Variants in PIK3C3 observed in about 807,000 individuals in gnomAD.
The protein encoded by PIK3C3 is phosphatidylinositol 3-kinase catalytic subunit type 3, also known as PI3-kinase type 3.
A neutral mutation model predicts 126.1 loss-of-function variants in PIK3C3; 95 were observed. The observed-to-expected ratio is 0.75, with a 90% CI of 0.64 to 0.89. The LOEUF (loss-of-function observed/expected upper bound fraction) is 0.89. PIK3C3 is among the 40% of genes least tolerant of loss of function. PIK3C3 has a pLI of 0.00. For synonymous variants in PIK3C3, 374 were observed against 360.0 expected, an observed-to-expected ratio of 1.04 and a Z score of -0.44; for missense variants, 829 against 1,063.2, an observed-to-expected ratio of 0.78 and a Z score of 3.06.
At chr18:42,042,350 T>C (rs62082292) in intron 19 of PIK3C3, among the ~76,000 whole-genome samples, 12,400 of 152,276 alleles carry the variant, frequency 0.081, 615 homozygotes, top group Non-Finnish European at 0.11. Flanking sequence ...TCCATGTTGA[T>C]TCTACTGTGT....
chr18:41,965,498 G>T (rs527985017), intron 3 of PIK3C3, among the ~76,000 whole-genome samples: 1 of 152,094 alleles, frequency 6.6e-6, no homozygotes, highest in Admixed American at 6.5e-5. Flanking sequence ...TAATCAACCT[G>T]TGTTTAAGAA....
intron 6 of PIK3C3, among the ~76,000 whole-genome samples, chr18:41,990,992 A>C (rs1308134017): frequency 1.3e-5 from 2 of 152,178 alleles, no homozygotes; most frequent in Non-Finnish European, 2.9e-5. Context: ...AAGTATACTT[A>C]TGAAATACTT....
intron 24 of PIK3C3, among the ~76,000 whole-genome samples, chr18:42,068,686 C>G (rs1211879902): frequency 6.6e-6 from 1 of 152,028 alleles, no homozygotes; most frequent in Non-Finnish European, 1.5e-5. Flanking sequence ...CGCGGTGGCT[C>G]ACGCCTGTAA....
intron 10 of PIK3C3, among the ~76,000 whole-genome samples, chr18:42,011,516 G>A (rs1056838754): frequency 2.6e-5 from 4 of 152,132 alleles, no homozygotes; most frequent in African/African-American, 9.7e-5. Context: ...TTAGGGCCTT[G>A]CTCTGGATTG....
Position 42,004,236 on chromosome 18 carries a change from C to T in PIK3C3, c.985-120C>T. On this transcript the variant is annotated intron_variant, in intron 9 of 24. Transcript: ENST00000262039. The stretch of plus-strand genomic sequence containing the variant: ...TATATAACTTCATTTAGTGCTTACA[C>T]AAGGAGTCTATCACTGACTCCGTGG... 5.9e-6 allele frequency: 4 copies of T among 682,202 alleles called. No individual in the cohort carries two copies. The Admixed American group carries it at 1.2e-4, about 20-fold the overall frequency. The allele number at this position is 682,202 out of a possible 1,614,324, so 42.3% of individuals were successfully genotyped here. A position where few individuals can be genotyped will look rare whatever the true frequency, so the allele number is the denominator to read the frequency against.
intron 21 of PIK3C3, among the ~76,000 whole-genome samples, chr18:42,057,026 A>T (rs1372882106): frequency 1.3e-5 from 2 of 151,152 alleles, no homozygotes; most frequent in Non-Finnish European, 2.9e-5. Flanking sequence ...TTCAGTCATA[A>T]ATCATTCAGT....
At chr18:42,005,870 A>G (rs149577747) in intron 10 of PIK3C3, among the ~76,000 whole-genome samples, 74 of 151,196 alleles carry the variant, frequency 4.9e-4, no homozygotes, top group African/African-American at 1.6e-3. Flanking sequence ...GCAGTTGCCA[A>G]TTTATAACCA....
chr18:42,049,535 A>G lies in PIK3C3; in HGVS notation c.2193A>G (p.Gly731=). ...TTTTTTTAACTGTTACTGCAGCTGG[A>G]TATTGCGTGATCACCTATATACTTG... ...VMDTYVKSCA[G]YCVITYILGV... is the part of the protein sequence containing the mutation. Residue 731 remains glycine, a synonymous_variant, in exon 21 of 25, where the codon GGA becomes GGG. Coordinates refer to ENST00000262039, the MANE Select transcript of PIK3C3 (RefSeq NM_002647.4). The G allele has an allele frequency of 1.2e-6, 2 of 1,612,554 alleles. No individual in the cohort carries two copies. Among genetic ancestry groups the G allele is most frequent in the Non-Finnish European group, 1.7e-6 (2 of 1,178,746 alleles).
In PIK3C3 at chr18:42,032,057, G is replaced by A. The variant is rs192747622; in HGVS notation, c.1708-1769G>A. On this transcript the variant is annotated intron_variant, in intron 15 of 24. Coordinates refer to ENST00000262039, the MANE Select transcript of PIK3C3 (RefSeq NM_002647.4). ...GGCAGTACTTGTGTCCAGTAGTAAG[G>A]CAGTGTTTCACTTCTTAATAGAGTG... Among the ~76,000 whole-genome samples, 16 of 152,342 alleles carry A rather than the reference G, an allele frequency of 1.1e-4. No homozygotes were observed. In the East Asian group the frequency reaches 2.9e-3, roughly 28 times the overall value.
At position 42,054,178 on chromosome 18, in the gene PIK3C3, A is replaced by C. The variant is rs1349079493; in HGVS notation, c.2264-3705A>C. Among the ~76,000 whole-genome samples the C allele has an allele frequency of 5.6e-3, 376 of 66,620 alleles. 17 individuals are homozygous for C. The highest frequency in any genetic ancestry group is 0.026 in the African/African-American group (347 of 13,572). The allele number at this position is 66,620 out of a possible 152,430, so 43.7% of individuals were successfully genotyped here. A position where few individuals can be genotyped will look rare whatever the true frequency, so the allele number is the denominator to read the frequency against. ...TATATATATATATATATATATATAT[A>C]TATATATATATATAAAGGGGAATTT... On this transcript the variant is annotated intron_variant, in intron 21 of 24. Coordinates refer to ENST00000262039, the MANE Select transcript of PIK3C3 (RefSeq NM_002647.4).
intron 10 of PIK3C3, among the ~76,000 whole-genome samples, chr18:42,010,094 C>T (rs1299766332): frequency 6.6e-6 from 1 of 152,162 alleles, no homozygotes; most frequent in African/African-American, 2.4e-5. Flanking sequence ...GAAGTCAGTC[C>T]TCCCTCTCAA....
At chr18:42,037,043 G>T (rs1328902235) in intron 16 of PIK3C3, among the ~76,000 whole-genome samples, 1 of 152,138 alleles carries the variant, frequency 6.6e-6, no homozygotes, top group Non-Finnish European at 1.5e-5. Context: ...TGAATTTCAA[G>T]TTTAAACTTG....
chr18:41,985,713 G>A (rs1262152198), intron 4 of PIK3C3, among the ~76,000 whole-genome samples: 1 of 152,080 alleles, frequency 6.6e-6, no homozygotes, highest in Admixed American at 6.6e-5. Flanking sequence ...GACTGTACCA[G>A]TTTTAGTACT....
chr18:41,962,137 G>A (rs866593086), intron 2 of PIK3C3, among the ~76,000 whole-genome samples: 1 of 152,036 alleles, frequency 6.6e-6, no homozygotes, highest in African/African-American at 2.4e-5. Flanking sequence ...TGTAAATTGG[G>A]TTTTGAAGAG....
intron 24 of PIK3C3, among the ~76,000 whole-genome samples, chr18:42,071,343 T>A (rs1985763883): frequency 6.6e-6 from 1 of 152,218 alleles, no homozygotes; most frequent in African/African-American, 2.4e-5. Flanking sequence ...TTCCCATTTT[T>A]AATTAAATAA....
rs150036684 is a variant in PIK3C3 at position 42,019,903 on chromosome 18, G to A, written c.1417-735G>A. Among the ~76,000 whole-genome samples the A allele has an allele frequency of 3.3e-3, 501 of 152,144 alleles. 2 individuals are homozygous for A. The highest frequency in any genetic ancestry group is 0.011 in the African/African-American group (473 of 41,526). On this transcript the variant is annotated intron_variant, in intron 12 of 24. Transcript: ENST00000262039. Reference sequence around the variant, plus strand: ...CAGAAATTTGGGAGTTACTATTAATGCCTTTCTTTCCTTCCTACTTCCTCT... The same window carrying A: ...CAGAAATTTGGGAGTTACTATTAATACCTTTCTTTCCTTCCTACTTCCTCT...
intron 4 of PIK3C3, 41 bp downstream of exon 4, chr18:41,970,497 A>C: frequency 1.3e-6 from 2 of 1,585,876 alleles, no homozygotes; most frequent in Non-Finnish European, 1.7e-6. Flanking sequence ...GCTCTGACTG[A>C]TGTCTATTGT....
intron 21 of PIK3C3, among the ~76,000 whole-genome samples, chr18:42,054,712 C>G (rs1191978103): frequency 6.6e-6 from 1 of 152,082 alleles, no homozygotes; most frequent in Non-Finnish European, 1.5e-5. Flanking sequence ...TTGCCCCTCC[C>G]CCATTGGGTG....
At chr18:42,074,565 T>C (rs767821543) in intron 24 of PIK3C3, among the ~76,000 whole-genome samples, 6 of 152,172 alleles carry the variant, frequency 3.9e-5, no homozygotes. Flanking sequence ...ATTTAGTATT[T>C]AGTTGTGAAA....
Sources: gnomAD v4.1 joint callset for allele counts (sites outside exome capture counted in the v4.1 genomes callset) on GRCh38, gnomAD v4.1.1 for gene constraint, MANE v1.5 for transcripts, NCBI Gene and HGNC (gene_info 2026-07-23, HGNC 2026-07-21) for gene names.